The following PNPLA8 variants were observed in gnomAD, a reference collection of about 807,000 sequenced individuals.
PNPLA8 encodes calcium-independent phospholipase A2-gamma.
In PNPLA8, 39 loss-of-function variants were observed where a neutral mutation model predicts 76.9. The observed-to-expected ratio is 0.51, with a 90% CI of 0.39 to 0.66. The LOEUF is 0.66. PNPLA8 is among the 30% of genes least tolerant of loss of function. The pLI is 0.00. For missense variants in PNPLA8, 887 were observed against 918.0 expected, an observed-to-expected ratio of 0.97 and a Z score of 0.44; for synonymous variants, 301 against 307.9, an observed-to-expected ratio of 0.98 and a Z score of 0.24.
At chr7:108,493,246 A>G (rs990031983) in intron 7 of PNPLA8, among the ~76,000 whole-genome samples, 1 of 152,246 alleles carries the variant, frequency 6.6e-6, no homozygotes, top group African/African-American at 2.4e-5. Context: ...AGTTGCCAGA[A>G]GAGCAAAAAT....
At chr7:108,479,414 A>C in intron 9 of PNPLA8, 35 bp from the exon 10 acceptor site, 1 of 1,458,510 alleles carries the variant, frequency 6.9e-7, no homozygotes, top group Non-Finnish European at 9.5e-7. Context: ...AAACTTTTAA[A>C]ACTGACTCAC....
chr7:108,523,033 C>A (rs141452681), intron 1 of PNPLA8, among the ~76,000 whole-genome samples: 14 of 152,020 alleles, frequency 9.2e-5, no homozygotes, highest in African/African-American at 2.7e-4. Context: ...GGCAAAAACA[C>A]AGGAAGAAGA....
chr7:108,472,261 T>C lies in PNPLA8; in HGVS notation c.*140A>G, dbSNP rs1598853182. 3.3e-6 allele frequency: 2 copies of C among 612,896 alleles called. No homozygotes were observed. The highest frequency in any genetic ancestry group is 5.7e-5 in the East Asian group (2 of 34,868). 38.0% of individuals were successfully genotyped at this position (612,896 alleles called of 1,614,324 possible). A position where few individuals can be genotyped will look rare whatever the true frequency, so the allele number is the denominator to read the frequency against. ...ATATTCTCTGTGCTATGCAAGCTGG[T>C]TGAAGCACCGTCTTTTTCAGGATTC... is the stretch of plus-strand genomic sequence containing the variant. On this transcript the variant is annotated 3_prime_UTR_variant, in exon 11 of 11. Coordinates refer to ENST00000257694, the MANE Select transcript of PNPLA8 (RefSeq NM_001256007.3).
At chr7:108,495,084 T>C (rs1034976799) in intron 7 of PNPLA8, among the ~76,000 whole-genome samples, 2 of 152,168 alleles carry the variant, frequency 1.3e-5, no homozygotes, top group African/African-American at 4.8e-5. Flanking sequence ...TTTCATGAAA[T>C]AGAAATACAA....
chr7:108,504,299 A>G (rs866895562), intron 4 of PNPLA8, among the ~76,000 whole-genome samples: 1 of 152,260 alleles, frequency 6.6e-6, no homozygotes, highest in African/African-American at 2.4e-5. Flanking sequence ...CCGAATTACA[A>G]AAACCAAGAA....
upstream of PNPLA8, chr7:108,526,283 C>A (rs142614140): frequency 2.0e-3 from 320 of 159,518 alleles, no homozygotes; most frequent in African/African-American, 5.1e-3. Flanking sequence ...ATCTCCGTTC[C>A]TCCCCCGCCC....
chr7:108,516,196 T>C (rs1863331195), intron 2 of PNPLA8, among the ~76,000 whole-genome samples: 1 of 152,192 alleles, frequency 6.6e-6, no homozygotes, highest in South Asian at 2.1e-4. Context: ...TTAACCACTA[T>C]GTAAAAAGAA....
intron 10 of PNPLA8, among the ~76,000 whole-genome samples, chr7:108,476,773 T>C (rs1016135739): frequency 2.6e-5 from 4 of 152,076 alleles, no homozygotes; most frequent in African/African-American, 9.7e-5. Context: ...GGAATTACAG[T>C]ATATACACAC....
intron 9 of PNPLA8, 45 bp from the exon 10 acceptor site, chr7:108,479,424 CG>C (rs777783390): frequency 7.5e-7 from 1 of 1,334,102 alleles, no homozygotes; most frequent in African/African-American, 1.5e-5. Context: ...AACTGACTCA[CG>C]GGGAAAGCTG....
At position 108,496,607 on chromosome 7, in the gene PNPLA8, A is replaced by G; in HGVS notation, c.1602T>C (p.Ser534=). 3.1e-6 allele frequency: 5 copies of G among 1,600,186 alleles called. No individual in the cohort carries two copies. The highest frequency in any genetic ancestry group is 4.3e-6 in the Non-Finnish European group (5 of 1,175,210). The change falls in exon 7 of 11, where the codon AGT becomes AGC. Residue 534 remains serine, a synonymous_variant. Transcript: ENST00000257694. ...KMSWSHAFYD[S]QTWENILKDR... ...ACTTAAGAATGTTTTCCCATGTTTG[A>G]CTGTCATAAAATGCATGGCTCCAAC...
At position 108,472,322 on chromosome 7, in the gene PNPLA8, T is replaced by G; in HGVS notation, c.*79A>C. 1 of 1,027,570 alleles carries G rather than the reference T, an allele frequency of 9.7e-7. No homozygotes were observed. The highest frequency in any genetic ancestry group is 1.7e-5 in the South Asian group (1 of 59,052). The allele number at this position is 1,027,570 out of a possible 1,614,324, so 63.7% of individuals were successfully genotyped here. A position where few individuals can be genotyped will look rare whatever the true frequency, so the allele number is the denominator to read the frequency against. On this transcript the variant is annotated 3_prime_UTR_variant, in exon 11 of 11. Transcript: ENST00000257694. ...ATACGTATTTCAAAGTTAACTCATGTCGAACCCCACAATTCCTTATTGAAT... is the reference window on the plus strand; with the variant it reads ...ATACGTATTTCAAAGTTAACTCATGGCGAACCCCACAATTCCTTATTGAAT...
chr7:108,493,118 G>A (rs1264538733), intron 7 of PNPLA8, among the ~76,000 whole-genome samples: 1 of 152,172 alleles, frequency 6.6e-6, no homozygotes, highest in East Asian at 1.9e-4. Flanking sequence ...ATTGTTTTAA[G>A]CCACTAAGTT....
At chr7:108,526,998 A>G (rs1157817602), upstream of PNPLA8, among the ~76,000 whole-genome samples, 1 of 152,238 alleles carries the variant, frequency 6.6e-6, no homozygotes, top group Non-Finnish European at 1.5e-5. Flanking sequence ...TGTTAATTAA[A>G]GCTTTTATAC....
At chr7:108,495,450 C>T (rs1861480962) in intron 7 of PNPLA8, among the ~76,000 whole-genome samples, 1 of 152,108 alleles carries the variant, frequency 6.6e-6, no homozygotes, top group Non-Finnish European at 1.5e-5. Flanking sequence ...CACACACACT[C>T]ACAACTACAC....
intron 2 of PNPLA8, among the ~76,000 whole-genome samples, chr7:108,518,706 G>T (rs1863515082): frequency 7.7e-6 from 1 of 129,258 alleles, no homozygotes; most frequent in African/African-American, 2.9e-5. Context: ...TTCTATATAA[G>T]CTATATGCAC....
Position 108,479,247 on chromosome 7 carries a change from C to A in PNPLA8, c.2011G>T (p.Val671Leu). The part of the protein sequence containing the change: ...GRYESDVRNT[V>L]TYTSLKTKLS... ...TTAGTTTTCAAGCTTGTGTATGTTA[C>A]CGTGTTTCTCACATCACTCTCATAA... is the stretch of plus-strand genomic sequence containing the variant. Residue 671 changes from valine (V) to leucine (L), a missense_variant, in exon 10 of 11, where the codon GTA becomes TTA. By Grantham distance (32) the Val-to-Leu change is conservative. Coordinates refer to ENST00000257694, the MANE Select transcript of PNPLA8 (RefSeq NM_001256007.3). The A allele has an allele frequency of 6.2e-7, 1 of 1,613,356 alleles. No homozygotes were observed. Among genetic ancestry groups the A allele is most frequent in the East Asian group, 2.2e-5 (1 of 44,866 alleles).
chr7:108,496,330 A>G (rs1475387308), intron 7 of PNPLA8: 2 of 314,878 alleles, frequency 6.4e-6, no homozygotes, highest in Non-Finnish European at 1.1e-5. Flanking sequence ...CAAGTATCTC[A>G]TATTTTTAAA....
intron 4 of PNPLA8, among the ~76,000 whole-genome samples, chr7:108,504,344 T>C (rs1187112127): frequency 6.6e-6 from 1 of 152,114 alleles, no homozygotes; most frequent in Non-Finnish European, 1.5e-5. Flanking sequence ...CAAAAACATG[T>C]TGAAATAAAA....
chr7:108,520,079 C>T (rs188626861), intron 2 of PNPLA8, among the ~76,000 whole-genome samples: 144 of 152,282 alleles, frequency 9.5e-4, no homozygotes, highest in Admixed American at 1.4e-3. Context: ...GTGGGCCCCA[C>T]TGGGATATTT....
Sources: allele counts gnomAD v4.1 joint callset (sites outside exome capture counted in the v4.1 genomes callset), GRCh38; gene constraint gnomAD v4.1.1; transcripts MANE v1.5; gene names NCBI Gene and HGNC (gene_info 2026-07-23, HGNC 2026-07-21).